Variants in RUNX1T1 observed in about 807,000 individuals in gnomAD.
RUNX1T1 encodes the protein protein CBFA2T1.
Under a neutral mutation model 62.8 loss-of-function variants are expected in RUNX1T1, and 4 were observed. That is an observed-to-expected ratio of 0.06 (90% CI 0.03 to 0.15). The LOEUF (loss-of-function observed/expected upper bound fraction) is 0.15. Among genes scored for constraint, RUNX1T1 ranks in the 10% least tolerant of loss-of-function variants. RUNX1T1 has a pLI of 1.00. For synonymous variants in RUNX1T1, 291 were observed against 286.0 expected (o/e 1.02, Z -0.18); for missense variants, 508 against 754.3 (o/e 0.67, Z 3.82).
At chr8:92,097,917 G>C (rs1166789945) in intron 1 of RUNX1T1, among the ~76,000 whole-genome samples, 1 of 152,286 alleles carries the variant, frequency 6.6e-6, no homozygotes, top group East Asian at 1.9e-4. Context: ...CAATAATCAA[G>C]AAGTATAATC....
At chr8:92,018,183 G>C (rs28716374) in intron 1 of RUNX1T1, among the ~76,000 whole-genome samples, 1 of 151,982 alleles carries the variant, frequency 6.6e-6, no homozygotes, top group Non-Finnish European at 1.5e-5. Context: ...CAGAACTGCT[G>C]TAAGTATACT....
At chr8:92,067,110 T>A (rs1271943825), upstream of RUNX1T1, among the ~76,000 whole-genome samples, 2 of 152,136 alleles carry the variant, frequency 1.3e-5, no homozygotes, top group Non-Finnish European at 2.9e-5. Flanking sequence ...CATCATGAGG[T>A]TAAAGGTTTA....
chr8:92,028,751 A>ACTC (rs1825715389), intron 1 of RUNX1T1, among the ~76,000 whole-genome samples: 1 of 152,072 alleles, frequency 6.6e-6, no homozygotes, highest in African/African-American at 2.4e-5. Context: ...AACAGAAGTC[A>ACTC]CTCCTCCTTG....
upstream of RUNX1T1, among the ~76,000 whole-genome samples, chr8:92,067,181 C>T (rs1832999813): frequency 6.6e-6 from 1 of 152,206 alleles, no homozygotes. Context: ...TAAAAGAAAA[C>T]ATGCTGGATA....
chr8:92,059,406 T>C (rs1011105867), intron 1 of RUNX1T1, among the ~76,000 whole-genome samples: 23 of 152,330 alleles, frequency 1.5e-4, no homozygotes, highest in African/African-American at 5.1e-4. Flanking sequence ...ATTTCTGTTT[T>C]TTTACACAAA....
chr8:92,040,373 G>A (rs981644780), intron 1 of RUNX1T1, among the ~76,000 whole-genome samples: 1 of 151,870 alleles, frequency 6.6e-6, no homozygotes, highest in Non-Finnish European at 1.5e-5. Flanking sequence ...ACATACACAC[G>A]GACACACATG....
chr8:92,041,432 T>A (rs1265692165), intron 1 of RUNX1T1, among the ~76,000 whole-genome samples: 1 of 152,180 alleles, frequency 6.6e-6, no homozygotes, highest in Non-Finnish European at 1.5e-5. Context: ...GCTGGCTGAA[T>A]GAAAAACTGT....
chr8:92,030,270 T>C (rs996306962), intron 1 of RUNX1T1, among the ~76,000 whole-genome samples: 4 of 152,218 alleles, frequency 2.6e-5, no homozygotes, highest in African/African-American at 9.6e-5. Flanking sequence ...CTGTTGTATA[T>C]AATTGTATAA....
intron 8 of RUNX1T1, among the ~76,000 whole-genome samples, chr8:91,982,695 G>A (rs1366672435): frequency 2.6e-5 from 4 of 152,052 alleles, no homozygotes; most frequent in Non-Finnish European, 5.9e-5. Context: ...TTAAGAGTTG[G>A]ATACTTGGAG....
At chr8:92,010,258 C>A (rs1415192227) in intron 4 of RUNX1T1, 1 of 152,160 alleles carries the variant, frequency 6.6e-6, no homozygotes, top group African/African-American at 2.4e-5. Flanking sequence ...CTGCTAAGCC[C>A]ACTGTTAGTA....
intron 1 of RUNX1T1, among the ~76,000 whole-genome samples, chr8:92,018,379 G>A (rs529004829): frequency 6.6e-6 from 1 of 152,174 alleles, no homozygotes; most frequent in Non-Finnish European, 1.5e-5. Flanking sequence ...ATTCAAATAA[G>A]AGCATTTGCA....
intron 1 of RUNX1T1, among the ~76,000 whole-genome samples, chr8:92,043,685 T>C (rs1340331068): frequency 6.6e-6 from 1 of 151,888 alleles, no homozygotes; most frequent in Non-Finnish European, 1.5e-5. Flanking sequence ...ATTATAATCA[T>C]AAAAACCTTA....
At chr8:92,054,729 C>T (rs1203538002) in intron 1 of RUNX1T1, among the ~76,000 whole-genome samples, 1 of 152,148 alleles carries the variant, frequency 6.6e-6, no homozygotes, top group Non-Finnish European at 1.5e-5. Flanking sequence ...GGGCCAGGCG[C>T]GGCGGCTCAT....
At chr8:92,099,254 C>T (rs1837932658) in intron 1 of RUNX1T1, among the ~76,000 whole-genome samples, 2 of 152,004 alleles carry the variant, frequency 1.3e-5, no homozygotes, top group South Asian at 4.2e-4. Context: ...AAATTAAAAT[C>T]CTTATTTTCA....
chr8:92,010,387 T>C (rs956156685), intron 4 of RUNX1T1: 1 of 152,270 alleles, frequency 6.6e-6, no homozygotes, highest in African/African-American at 2.4e-5. Context: ...GTGAATTAAC[T>C]ACCCGCTATG....
intron 1 of RUNX1T1, among the ~76,000 whole-genome samples, chr8:92,018,418 G>C (rs1346951905): frequency 6.6e-6 from 1 of 152,188 alleles, no homozygotes; most frequent in African/African-American, 2.4e-5. Flanking sequence ...CAGTATCAGA[G>C]TCTCTATTTT....
At chr8:91,979,194 T>G (rs1275281232) in intron 8 of RUNX1T1, among the ~76,000 whole-genome samples, 1 of 152,162 alleles carries the variant, frequency 6.6e-6, no homozygotes, top group Non-Finnish European at 1.5e-5. Flanking sequence ...ACCAAATGAC[T>G]AATACATTTA....
chr8:92,051,564 T>A lies in RUNX1T1; in HGVS notation c.7+10982A>T, dbSNP rs752444560. Among the ~76,000 whole-genome samples the A allele has an allele frequency of 2.0e-5, 3 of 151,608 alleles. No homozygotes were observed. The East Asian group carries it at 5.8e-4, about 29-fold the overall frequency. On this transcript the variant is annotated intron_variant, in intron 1 of 10. Transcript: ENST00000396218. ...CTCTCTTGCACATGCTCTCTCTCTC[T>A]CACATACACACACTCTCTCTCTCAC...
At chr8:92,004,538 C>G (rs1321774671) in intron 5 of RUNX1T1, 1 of 152,122 alleles carries the variant, frequency 6.6e-6, no homozygotes, top group Non-Finnish European at 1.5e-5. Context: ...TCTGATAGAA[C>G]AGTATCTAAC....
Sources: allele counts gnomAD v4.1 joint callset (sites outside exome capture counted in the v4.1 genomes callset), GRCh38; gene constraint gnomAD v4.1.1; transcripts MANE v1.5; gene names NCBI Gene and HGNC (gene_info 2026-07-23, HGNC 2026-07-21).